Variants in BCAS3 observed in about 807,000 individuals in gnomAD.
BCAS3 encodes the protein BCAS4/BCAS3 fusion.
BCAS3 carries 53 observed loss-of-function variants against 116.1 expected under a neutral mutation model. The ratio of observed to expected loss-of-function variants is 0.46; its 90% CI spans 0.37 to 0.57. BCAS3 has a LOEUF of 0.57. BCAS3 is among the 20% of genes least tolerant of loss of function. The pLI is 0.00. For synonymous variants in BCAS3, 391 were observed against 408.2 expected, an observed-to-expected ratio of 0.96 and a Z score of 0.51; for missense variants, 917 against 1,165.4, an observed-to-expected ratio of 0.79 and a Z score of 3.10.
At chr17:61,046,001 A>T (rs1323944010) in intron 19 of BCAS3, among the ~76,000 whole-genome samples, 3 of 9,340 alleles carry the variant, frequency 3.2e-4, no homozygotes, top group African/African-American at 7.9e-4. Context: ...ATATATATAT[A>T]ATATATATAT....
At position 61,140,387 on chromosome 17, in the gene BCAS3, TAG is replaced by T. The variant is rs1484096651; in HGVS notation, c.2425+55826_2425+55827del. Among the ~76,000 whole-genome samples the T allele has an allele frequency of 1.3e-5, 2 of 152,206 alleles. No homozygotes were observed. Among genetic ancestry groups the T allele is most frequent in the South Asian group, 4.1e-4 (2 of 4,824 alleles). On this transcript the variant is annotated intron_variant, in intron 22 of 23. Transcript: ENST00000407086. This position sits in a 1 kb window ranked among gnomAD's most constrained non-coding sequence, Gnocchi z 4.2. ...GAAGGTTAGGACCAGACTCTGAAAG[TAG>T]AGTGCTGGTGGGAGATGTGGAACAG... is the stretch of plus-strand genomic sequence containing the variant.
Position 60,813,208 on chromosome 17 carries a change from C to T in BCAS3, c.476+5132C>T, listed in dbSNP as rs79318682. Among the ~76,000 whole-genome samples the T allele has an allele frequency of 3.5e-3, 537 of 151,914 alleles. 11 individuals carry two copies. The East Asian group carries it at 0.075, about 21-fold the overall frequency. ...CCTCTATACATACACAGGCATATTC[C>T]GTCTATAGACTGTATTAAGAGTGCC... On this transcript the variant is annotated intron_variant, in intron 7 of 23. Transcript: ENST00000407086.
chr17:61,336,391 A>G (rs2056725763), intron 22 of BCAS3, among the ~76,000 whole-genome samples: 1 of 152,062 alleles, frequency 6.6e-6, no homozygotes, highest in Non-Finnish European at 1.5e-5. Flanking sequence ...ATATCGGAAC[A>G]GACAGCCTGC....
intron 22 of BCAS3, among the ~76,000 whole-genome samples, chr17:61,133,668 T>G (rs1252978534): frequency 2.0e-5 from 3 of 152,134 alleles, no homozygotes; most frequent in Non-Finnish European, 4.4e-5. Context: ...TTATTTATTT[T>G]TCCTGGCTTC....
chr17:60,859,620 G>A (rs1398860404), intron 7 of BCAS3, among the ~76,000 whole-genome samples: 1 of 151,168 alleles, frequency 6.6e-6, no homozygotes, highest in Non-Finnish European at 1.5e-5. Context: ...ACAGACTGGA[G>A]TGCAGTGGTG....
At chr17:60,911,123 CTTTTTTTTTT>C (rs1162942971) in intron 12 of BCAS3, among the ~76,000 whole-genome samples, 15 of 88,256 alleles carry the variant, frequency 1.7e-4, no homozygotes, top group African/African-American at 5.9e-4. Flanking sequence ...TTTTTTCTTT[CTTTTTTTTTT>C]TTTTTTTGAG....
chr17:60,781,355 T>TA (rs2045819275), intron 6 of BCAS3, among the ~76,000 whole-genome samples: 1 of 151,756 alleles, frequency 6.6e-6, no homozygotes, highest in Non-Finnish European at 1.5e-5. Context: ...TCCCAGCACT[T>TA]ACAGAGGACA....
chr17:61,277,857 T>A (rs947370148), intron 22 of BCAS3, among the ~76,000 whole-genome samples: 3 of 152,168 alleles, frequency 2.0e-5, no homozygotes, highest in Non-Finnish European at 4.4e-5. Flanking sequence ...GTGTTGATAA[T>A]GATGTGGAGA....
At chr17:60,908,732 C>T (rs2058327607) in intron 11 of BCAS3, among the ~76,000 whole-genome samples, 1 of 152,150 alleles carries the variant, frequency 6.6e-6, no homozygotes, top group African/African-American at 2.4e-5. Context: ...AAAACAGTTA[C>T]AATTGATTTG....
intron 17 of BCAS3, among the ~76,000 whole-genome samples, chr17:61,035,853 C>T (rs773537424): frequency 5.3e-5 from 8 of 152,136 alleles, no homozygotes; most frequent in Non-Finnish European, 1.0e-4. Flanking sequence ...AAGGATGATT[C>T]ATGTCCCAGG....
At chr17:61,114,142 G>T (rs1005863345) in intron 22 of BCAS3, among the ~76,000 whole-genome samples, 3 of 135,278 alleles carry the variant, frequency 2.2e-5, no homozygotes, top group African/African-American at 8.2e-5. Flanking sequence ...ATACTGAATG[G>T]GCAAAAACTG....
rs749364164 is a variant in BCAS3, at chr17:61,174,740, C to T, written c.2425+90176C>T. ...ATGGCCAAAGTATGATTTCAATAAT[C>T]GCACGGTGTATTACCATACAAAGAG... On this transcript the variant is annotated intron_variant, in intron 22 of 23. Transcript: ENST00000407086. Among the ~76,000 whole-genome samples the T allele has an allele frequency of 2.0e-5, 3 of 152,132 alleles. No individual in the cohort carries two copies. In the East Asian group the frequency reaches 5.8e-4, roughly 29 times the overall value.
At chr17:60,939,667 G>A (rs1232272020) in intron 13 of BCAS3, among the ~76,000 whole-genome samples, 1 of 152,164 alleles carries the variant, frequency 6.6e-6, no homozygotes, top group Non-Finnish European at 1.5e-5. Context: ...CAGGTGGTTG[G>A]GGAGAGGATG....
At chr17:60,979,771 T>C (rs1215036309) in intron 14 of BCAS3, among the ~76,000 whole-genome samples, 2 of 152,196 alleles carry the variant, frequency 1.3e-5, no homozygotes, top group Non-Finnish European at 2.9e-5. Context: ...TTTTTGTCTT[T>C]GGTTCTGTTT....
Position 61,144,655 on chromosome 17 carries a change from A to G in BCAS3, c.2425+60091A>G, listed in dbSNP as rs1187756763. On this transcript the variant is annotated intron_variant, in intron 22 of 23. Coordinates refer to ENST00000407086, the MANE Select transcript of BCAS3 (RefSeq NM_017679.5). This position sits in a 1 kb window ranked among gnomAD's most constrained non-coding sequence, Gnocchi z 5.0. Reference sequence around the variant, plus strand: ...GTCAAAAAAGTAGTCATTTAACAATACAATATTTCTCTCGTGTTCTTGAGC... The same window carrying G: ...GTCAAAAAAGTAGTCATTTAACAATGCAATATTTCTCTCGTGTTCTTGAGC... Among the ~76,000 whole-genome samples the G allele has an allele frequency of 6.6e-6, 1 of 152,232 alleles. No homozygotes were observed. Among genetic ancestry groups the G allele is most frequent in the Non-Finnish European group, 1.5e-5 (1 of 68,048 alleles).
chr17:61,101,437 G>A (rs986576578), intron 22 of BCAS3, among the ~76,000 whole-genome samples: 1 of 152,148 alleles, frequency 6.6e-6, no homozygotes, highest in Non-Finnish European at 1.5e-5. Context: ...TCACTCTATA[G>A]TGGGGAGTGG....
intron 6 of BCAS3, among the ~76,000 whole-genome samples, chr17:60,753,931 A>AC (rs2042742895): frequency 6.6e-6 from 1 of 152,256 alleles, no homozygotes; most frequent in South Asian, 2.1e-4. Context: ...TATGAGGGGT[A>AC]CCACATAATG....
chr17:60,976,020 C>CTTTTTTTTTTATTTTTTTTTTTTTTT (rs2062329086), intron 14 of BCAS3, among the ~76,000 whole-genome samples: 1 of 98,286 alleles, frequency 1.0e-5, no homozygotes, highest in Admixed American at 1.6e-4. Flanking sequence ...TAGATTTTTG[C>CTTTTTTTTTTATTTTTTTTTTTTTTT]TTTTTTTTTT....
In BCAS3 at chr17:61,367,040, A is replaced by G. The variant is rs1228808023; in HGVS notation, c.2426-1287A>G. On this transcript the variant is annotated intron_variant, in intron 22 of 23. Coordinates refer to ENST00000407086, the MANE Select transcript of BCAS3 (RefSeq NM_017679.5). This position sits in a 1 kb window ranked among gnomAD's most constrained non-coding sequence, Gnocchi z 6.2. Reference sequence around the variant, plus strand: ...ACCGCCTGCCGAGGCTGGGGCTCGCACCCTCTCTATTACCACCTGTCATTG... The same window carrying G: ...ACCGCCTGCCGAGGCTGGGGCTCGCGCCCTCTCTATTACCACCTGTCATTG... Among the ~76,000 whole-genome samples the G allele has an allele frequency of 2.0e-5, 3 of 152,154 alleles. No homozygotes were observed. Among genetic ancestry groups the G allele is most frequent in the African/African-American group, 7.2e-5 (3 of 41,430 alleles).
Sources: allele counts gnomAD v4.1 joint callset (sites outside exome capture counted in the v4.1 genomes callset), GRCh38; gene constraint gnomAD v4.1.1; non-coding constraint Gnocchi (gnomAD v3.1); transcripts MANE v1.5; gene names NCBI Gene and HGNC (gene_info 2026-07-23, HGNC 2026-07-21).